The following ADGRV1 variants were observed in gnomAD, a reference collection of about 807,000 sequenced individuals.
ADGRV1 encodes adhesion G protein-coupled receptor V1, also known as G-protein coupled receptor 98.
A neutral mutation model predicts 596.2 loss-of-function variants in ADGRV1; 359 were observed. The observed-to-expected ratio is 0.60, with a 90% CI of 0.55 to 0.66. The LOEUF (loss-of-function observed/expected upper bound fraction) is 0.66, where lower values mean the gene tolerates loss of function less well. Among genes scored for constraint, ADGRV1 ranks in the 30% least tolerant of loss-of-function variants. The probability of loss-of-function intolerance (pLI) is 0.00; values close to 1 mark genes in which losing one functional copy is unlikely to be tolerated. For missense variants in ADGRV1, 7,274 were observed against 7,575.6 expected (o/e 0.96, Z 1.48); for synonymous variants, 2,681 against 2,679.2 (o/e 1.00, Z -0.02).
chr5:90,926,757 T>C (rs1356847599), intron 83 of ADGRV1, among the ~76,000 whole-genome samples: 2 of 149,258 alleles, frequency 1.3e-5, no homozygotes, highest in African/African-American at 2.5e-5. Flanking sequence ...TCCTGCTTTC[T>C]CTTGTGGGCA....
At chr5:90,932,534 G>T (rs1211906923) in intron 83 of ADGRV1, among the ~76,000 whole-genome samples, 1 of 152,088 alleles carries the variant, frequency 6.6e-6, no homozygotes, top group African/African-American at 2.4e-5. Context: ...GTGGAGAGAT[G>T]CTTAACTTAC....
rs994299115 is a variant in ADGRV1 at position 90,681,164 on chromosome 5, A to G, written c.5525-151A>G. On this transcript the variant is annotated intron_variant, in intron 26 of 89. Transcript: ENST00000405460. ...AAAAGCATGAATATGTGTGGCACCC[A>G]TTTGTGTCTGCCTTTCTTTCTAAAA... is the stretch of plus-strand genomic sequence containing the variant. 7.5e-6 allele frequency: 6 copies of G among 803,500 alleles called. No individual in the cohort carries two copies. In the African/African-American group the frequency reaches 8.7e-5, roughly 12 times the overall value. 49.8% of individuals were successfully genotyped at this position (803,500 alleles called of 1,614,324 possible). A position where few individuals can be genotyped will look rare whatever the true frequency, so the allele number is the denominator to read the frequency against.
intron 29 of ADGRV1, among the ~76,000 whole-genome samples, chr5:90,688,562 G>A (rs1298577478): frequency 6.6e-6 from 1 of 151,968 alleles, no homozygotes; most frequent in Non-Finnish European, 1.5e-5. Context: ...TTACCATGTT[G>A]GCCAGGATGG....
intron 86 of ADGRV1, among the ~76,000 whole-genome samples, chr5:91,074,977 T>C (rs529671680): frequency 5.3e-5 from 8 of 152,216 alleles, no homozygotes; most frequent in Non-Finnish European, 1.0e-4. Context: ...ATGGCACATA[T>C]GTCTTCTTTT....
intron 85 of ADGRV1, among the ~76,000 whole-genome samples, chr5:91,044,218 T>C (rs1399574470): frequency 6.6e-6 from 1 of 152,160 alleles, no homozygotes; most frequent in African/African-American, 2.4e-5. Flanking sequence ...AATTGAACAC[T>C]AAGCTCATAT....
chr5:90,731,616 G>T (rs1388684018), intron 50 of ADGRV1, among the ~76,000 whole-genome samples: 1 of 152,178 alleles, frequency 6.6e-6, no homozygotes, highest in Non-Finnish European at 1.5e-5. Context: ...GCCACCATTG[G>T]TAGATGAAAG....
At chr5:90,856,433 G>C (rs992691230) in intron 82 of ADGRV1, among the ~76,000 whole-genome samples, 1 of 152,130 alleles carries the variant, frequency 6.6e-6, no homozygotes, top group Non-Finnish European at 1.5e-5. Flanking sequence ...ATATTTGGCA[G>C]TAAGAAGAAA....
At chr5:90,692,820 G>T (rs975437992) in intron 32 of ADGRV1, 34 bp downstream of exon 32, 1 of 1,511,172 alleles carries the variant, frequency 6.6e-7, no homozygotes, top group Admixed American at 2.3e-5. Flanking sequence ...CTGTGGGAGT[G>T]ATGAGAATTG....
intron 85 of ADGRV1, among the ~76,000 whole-genome samples, chr5:91,019,098 A>G (rs1292297812): frequency 2.0e-5 from 3 of 151,938 alleles, no homozygotes; most frequent in Non-Finnish European, 4.4e-5. Flanking sequence ...CATGGATTCA[A>G]TATCCACGCC....
chr5:90,961,725 G>A (rs1424973064), intron 83 of ADGRV1, among the ~76,000 whole-genome samples: 1 of 152,206 alleles, frequency 6.6e-6, no homozygotes, highest in East Asian at 1.9e-4. Flanking sequence ...CATTTCCTTC[G>A]TTGGCTGGCA....
chr5:90,840,439 C>T (rs1765327615), intron 77 of ADGRV1, 139 bp from the exon 78 acceptor site: 1 of 610,230 alleles, frequency 1.6e-6, no homozygotes, highest in Non-Finnish European at 2.7e-6. Flanking sequence ...TATAAAACCC[C>T]ATCTTTAGGT....
intron 84 of ADGRV1, among the ~76,000 whole-genome samples, chr5:90,979,855 T>A (rs1779944368): frequency 6.6e-6 from 1 of 152,192 alleles, no homozygotes; most frequent in South Asian, 2.1e-4. Flanking sequence ...CAGAACCATG[T>A]CAAAGACCCA....
chr5:91,102,192 C>T, intron 86 of ADGRV1, 27 bp from the exon 87 acceptor site: 1 of 1,587,128 alleles, frequency 6.3e-7, no homozygotes, highest in Non-Finnish European at 8.6e-7. Flanking sequence ...TTCTGAAGCT[C>T]AAAAATTCTT....
intron 87 of ADGRV1, among the ~76,000 whole-genome samples, chr5:91,128,951 A>C (rs923114862): frequency 1.3e-5 from 2 of 152,230 alleles, no homozygotes; most frequent in African/African-American, 4.8e-5. Flanking sequence ...ATTAAAGCCA[A>C]AAGCCGTAGT....
intron 83 of ADGRV1, among the ~76,000 whole-genome samples, chr5:90,867,544 G>A (rs1189912508): frequency 6.6e-6 from 1 of 152,098 alleles, no homozygotes; most frequent in Non-Finnish European, 1.5e-5. Context: ...GCTTTAATCT[G>A]GAATTATGTC....
chr5:90,823,498 G>A lies in ADGRV1; in HGVS notation c.16270G>A (p.Val5424Ile), dbSNP rs1319317043. The A allele has an allele frequency of 1.9e-6, 3 of 1,613,838 alleles. No homozygotes were observed. The South Asian group carries it at 3.3e-5, about 18-fold the overall frequency. Residue 5424 changes from valine (V) to isoleucine (I), a missense_variant, in exon 76 of 90, where the codon GTA becomes ATA. Physicochemically the swap from Val to Ile is conservative, Grantham distance 29. This residue lies in a region of ADGRV1 where 1,874 missense variants were observed against 1,970.2 expected (regional missense o/e 0.95). Transcript: ENST00000405460. ...AGTCGTCGTGCTCCAGAAGGATGGG[G>A]TAAACCTGGTGGAGGAACTTCAGTC... ...KTVVVLQKDG[V>I]NLVEELQSVS...
chr5:90,851,628 C>T (rs1188471573), intron 79 of ADGRV1, among the ~76,000 whole-genome samples: 2 of 152,098 alleles, frequency 1.3e-5, no homozygotes, highest in African/African-American at 2.4e-5. Context: ...TGTGAATTTG[C>T]GGTGGTGCCA....
chr5:90,615,080 G>T, intron 2 of ADGRV1, 61 bp downstream of exon 2: 1 of 1,100,526 alleles, frequency 9.1e-7, no homozygotes, highest in Non-Finnish European at 1.2e-6. Flanking sequence ...TAGTTTTAAT[G>T]GCAAGGATTT....
chr5:90,952,444 C>T (rs865870048), intron 83 of ADGRV1, among the ~76,000 whole-genome samples: 3 of 152,002 alleles, frequency 2.0e-5, no homozygotes, highest in African/African-American at 7.2e-5. Context: ...TGTTAAAATT[C>T]ATTTATGATG....
Sources: allele counts gnomAD v4.1 joint callset (sites outside exome capture counted in the v4.1 genomes callset), GRCh38; gene constraint gnomAD v4.1.1; regional missense constraint gnomAD v4.1.1; transcripts MANE v1.5; gene names NCBI Gene and HGNC (gene_info 2026-07-23, HGNC 2026-07-21).